COL11A2: variants seen among roughly 807,000 people sequenced by gnomAD.
The protein encoded by COL11A2 is collagen alpha-2(XI) chain.
COL11A2 carries 116 observed loss-of-function variants against 273.4 expected under a neutral mutation model. The ratio of observed to expected loss-of-function variants is 0.42; its 90% confidence interval spans 0.36 to 0.49. The LOEUF is 0.49. Among genes scored for constraint, COL11A2 ranks in the 20% least tolerant of loss-of-function variants. COL11A2 has a pLI of 0.00. For synonymous variants in COL11A2, 782 were observed against 864.2 expected (o/e 0.90, Z 1.67); for missense variants, 1,866 against 2,309.0 (o/e 0.81, Z 3.93).
chr6:33,179,469 G>C lies in COL11A2; in HGVS notation c.1465C>G (p.Pro489Ala). 6.4e-7 allele frequency: 1 copy of C among 1,566,230 alleles called. No homozygotes were observed. The highest frequency in any genetic ancestry group is 2.4e-5 in the East Asian group (1 of 42,488). ...CGCCCTGTGTATCCCATGGGGCCAG[G>C]GGGTCCACGGAGCGCCAGCTAGGGG... ...QQARLALRGP[P>A]GPMGYTGRPG... The change falls in exon 14 of 66, where the codon CCT becomes GCT. Residue 489 changes from proline (P) to alanine (A), a missense_variant. Transcript: ENST00000341947. This position sits in a 1 kb window ranked among gnomAD's most constrained non-coding sequence, Gnocchi z 6.4.
At position 33,189,284 on chromosome 6, in the gene COL11A2, C is replaced by A. The variant is rs768032104; in HGVS notation, c.232+36G>T. On this transcript the variant is annotated intron_variant, in intron 2 of 65. Transcript: ENST00000341947. This position sits in a 1 kb window ranked among gnomAD's most constrained non-coding sequence, Gnocchi z 5.6. ...TCTGATCCTAGGCCCCATCCCATTA[C>A]CTCCCCCCAGGCCTACCCCACCATG... is the stretch of plus-strand genomic sequence containing the variant. The A allele has an allele frequency of 6.2e-7, 1 of 1,614,054 alleles. No individual in the cohort carries two copies. Among genetic ancestry groups the A allele is most frequent in the Non-Finnish European group, 8.5e-7 (1 of 1,179,998 alleles).
chr6:33,172,046 T>C lies in COL11A2; in HGVS notation c.3042+4A>G, dbSNP rs2150549308. ...TCCTACCACTTCCGGAACCCCAGAC[T>C]CACTGCAGGGCCAGGGGGGCCAGAC... On this transcript the variant is annotated splice_donor_region_variant and intron_variant, in intron 41 of 65. Transcript: ENST00000341947. The C allele has an allele frequency of 1.9e-6, 3 of 1,612,578 alleles. No homozygotes were observed. The highest frequency in any genetic ancestry group is 8.5e-7 in the Non-Finnish European group (1 of 1,179,860).
In COL11A2 at chr6:33,170,692, TC is replaced by T. The variant is rs145273015; in HGVS notation, c.3475-83del. ...TAGGCAGATAGGCCCCACAGTCCCC[TC>T]CCCTCAGACTCCGCAGGCCCTCCAG... On this transcript the variant is annotated intron_variant, in intron 46 of 65. Coordinates refer to ENST00000341947, the MANE Select transcript of COL11A2 (RefSeq NM_080680.3). The surrounding 1 kb of genome is among the most constrained non-coding windows in gnomAD (Gnocchi z 4.3). 0.029 allele frequency: 46,379 copies of T among 1,590,842 alleles called. 901 individuals are homozygous for T. Among genetic ancestry groups the T allele is most frequent in the African/African-American group, 0.072 (5,320 of 74,334 alleles).
chr6:33,181,103 T>A lies in COL11A2; in HGVS notation c.1179+8A>T, dbSNP rs773318336. ...CACTGCCTCAGCCCTGTGACCAGCATAACTTACAGGTTCCAACACTGCAGG... is the reference window on the plus strand; with the variant it reads ...CACTGCCTCAGCCCTGTGACCAGCAAAACTTACAGGTTCCAACACTGCAGG... On this transcript the variant is annotated splice_region_variant and intron_variant, in intron 9 of 65. Coordinates refer to ENST00000341947, the MANE Select transcript of COL11A2 (RefSeq NM_080680.3). 54 of 1,614,086 alleles carry A rather than the reference T, an allele frequency of 3.3e-5. 1 individual carries two copies. The Admixed American group carries it at 3.7e-4, about 11-fold the overall frequency.
Position 33,167,185 on chromosome 6 carries a change from C to T in COL11A2, c.4177-62G>A, listed in dbSNP as rs1769275971. On this transcript the variant is annotated intron_variant, in intron 57 of 65. Transcript: ENST00000341947. This position sits in a 1 kb window ranked among gnomAD's most constrained non-coding sequence, Gnocchi z 6.1. ...GGTGGGACCAAGTTCTCCCCAACAG[C>T]CTCCACTTCCTCCAGGGCTTCAGCT... The T allele has an allele frequency of 1.2e-6, 2 of 1,613,314 alleles. No individual in the cohort carries two copies. Among genetic ancestry groups the T allele is most frequent in the African/African-American group, 1.3e-5 (1 of 74,890 alleles).
In COL11A2 at chr6:33,173,382, C is replaced by G; in HGVS notation, c.2702G>C (p.Gly901Ala). 1 of 1,613,024 alleles carries G rather than the reference C, an allele frequency of 6.2e-7. No homozygotes were observed. Among genetic ancestry groups the G allele is most frequent in the Non-Finnish European group, 8.5e-7 (1 of 1,179,968 alleles). ...KGPPGPPGKDGLPGHPGQRGE... is the reference protein window; with the variant it reads ...KGPPGPPGKDALPGHPGQRGE... ...TCTTTGGCCTGGGTGTCCCGGCAGC[C>G]CATCCTTCCCAGGGGGGCCCTGGAA... The change falls in exon 37 of 66, where the codon GGG (glycine) becomes GCG (alanine). Residue 901 changes from glycine (G) to alanine (A), a missense_variant. Physicochemically the swap from Gly to Ala is moderately conservative, Grantham distance 60. Coordinates refer to ENST00000341947, the MANE Select transcript of COL11A2 (RefSeq NM_080680.3). The surrounding 1 kb of genome is among the most constrained non-coding windows in gnomAD (Gnocchi z 6.3).
At chr6:33,183,363 C>T (rs1407989408) in intron 8 of COL11A2, among the ~76,000 whole-genome samples, 1 of 152,056 alleles carries the variant, frequency 6.6e-6, no homozygotes, top group Non-Finnish European at 1.5e-5. Context: ...GCTACCGTGA[C>T]CCAGAGAGAA....
Position 33,173,087 on chromosome 6 carries a change from A to AG in COL11A2, c.2762dup (p.Gly922TrpfsTer47). 1 of 1,612,614 alleles carries AG rather than the reference A, an allele frequency of 6.2e-7. No homozygotes were observed. Among genetic ancestry groups the AG allele is most frequent in the Non-Finnish European group, 8.5e-7 (1 of 1,179,838 alleles). On this transcript the variant is annotated frameshift_variant, in exon 38 of 66. Transcript: ENST00000341947. LOFTEE classifies it high-confidence loss of function. This position sits in a 1 kb window ranked among gnomAD's most constrained non-coding sequence, Gnocchi z 6.3. ...GAGGTCCCACCACTCCTGGAGGACCAGGGGGGCCGGTCTTCCCTTGGAAAC... is the reference window on the plus strand; with the variant it reads ...GAGGTCCCACCACTCCTGGAGGACCAGGGGGGGCCGGTCTTCCCTTGGAAAC...
Position 33,178,658 on chromosome 6 carries a change from C to T in COL11A2, c.1719+21G>A, listed in dbSNP as rs765483399. ...AGAAGATCTATCCCCAATTACAACA[C>T]ACACCCACTAATGTACTCACCCTAT... On this transcript the variant is annotated intron_variant, in intron 18 of 65. Coordinates refer to ENST00000341947, the MANE Select transcript of COL11A2 (RefSeq NM_080680.3). This position sits in a 1 kb window ranked among gnomAD's most constrained non-coding sequence, Gnocchi z 4.6. 14 of 1,612,696 alleles carry T rather than the reference C, an allele frequency of 8.7e-6. No homozygotes were observed. Among genetic ancestry groups the T allele is most frequent in the Non-Finnish European group, 1.2e-5 (14 of 1,179,848 alleles).
At chr6:33,184,397 G>T in intron 7 of COL11A2, 73 bp from the exon 8 acceptor site, 1 of 1,126,702 alleles carries the variant, frequency 8.9e-7, no homozygotes, top group Non-Finnish European at 1.2e-6. Flanking sequence ...CTGGACCCCA[G>T]GGTGTGACAA....
intron 30 of COL11A2, among the ~76,000 whole-genome samples, chr6:33,174,815 C>T (rs1193445847): frequency 6.6e-6 from 1 of 152,096 alleles, no homozygotes; most frequent in Non-Finnish European, 1.5e-5. Context: ...CCTGCGCCTA[C>T]AGAGGTATCA....
At chr6:33,174,716 C>T (rs1770663167) in intron 30 of COL11A2, 136 bp from the exon 31 acceptor site, 5 of 802,228 alleles carry the variant, frequency 6.2e-6, no homozygotes, top group Non-Finnish European at 1.1e-5. Flanking sequence ...TCTAGCCCCT[C>T]ATTGCTTGCC....
intron 30 of COL11A2, 162 bp downstream of exon 30, chr6:33,175,411 GC>G (rs1384360392): frequency 3.0e-5 from 21 of 710,130 alleles, no homozygotes; most frequent in Non-Finnish European, 4.9e-5. Flanking sequence ...TATCCCCTCT[GC>G]CCATCAGCAG....
chr6:33,177,839 C>T lies in COL11A2; in HGVS notation c.1873-133G>A, dbSNP rs754683884. 30 of 1,005,224 alleles carry T rather than the reference C, an allele frequency of 3.0e-5. No individual in the cohort carries two copies. Among genetic ancestry groups the T allele is most frequent in the Non-Finnish European group, 4.2e-5 (27 of 647,468 alleles). 62.3% of individuals were successfully genotyped at this position (1,005,224 alleles called of 1,614,324 possible). A position where few individuals can be genotyped will look rare whatever the true frequency, so the allele number is the denominator to read the frequency against. On this transcript the variant is annotated intron_variant, in intron 21 of 65. Transcript: ENST00000341947. This position sits in a 1 kb window ranked among gnomAD's most constrained non-coding sequence, Gnocchi z 5.9. The stretch of plus-strand genomic sequence containing the variant: ...CCCAAACCCAAGCAAACACAGCTGG[C>T]CCAGGCCTGCAGTGTGTGGGACTGT...
Position 33,166,673 on chromosome 6 carries a change from C to T in COL11A2, c.4338+47G>A. On this transcript the variant is annotated intron_variant, in intron 59 of 65. Transcript: ENST00000341947. This position sits in a 1 kb window ranked among gnomAD's most constrained non-coding sequence, Gnocchi z 4.8. Reference sequence around the variant, plus strand: ...CCAACTCCAACTCCACCCCTCTCCACCCCACTCTCAACCCCCACAACTTCC... The same window carrying T: ...CCAACTCCAACTCCACCCCTCTCCATCCCACTCTCAACCCCCACAACTTCC... 6.2e-7 allele frequency: 1 copy of T among 1,611,954 alleles called. No homozygotes were observed. The highest frequency in any genetic ancestry group is 8.5e-7 in the Non-Finnish European group (1 of 1,178,202).
chr6:33,178,730 A>G lies in COL11A2; in HGVS notation c.1668T>C (p.Gly556=). 6.2e-7 allele frequency: 1 copy of G among 1,612,416 alleles called. No individual in the cohort carries two copies. Among genetic ancestry groups the G allele is most frequent in the Non-Finnish European group, 8.5e-7 (1 of 1,179,778 alleles). Residue 556 remains glycine, a splice_region_variant and synonymous_variant, in exon 18 of 66, where the codon GGT becomes GGC. Transcript: ENST00000341947. This position sits in a 1 kb window ranked among gnomAD's most constrained non-coding sequence, Gnocchi z 4.6. ...CTGGGAGTCCATCAAAACCTCGGTCACCCTAGGAGGAGGAAGGATAGCCAG... is the reference window on the plus strand; with the variant it reads ...CTGGGAGTCCATCAAAACCTCGGTCGCCCTAGGAGGAGGAAGGATAGCCAG... The part of the protein sequence containing the change: ...RGMPGDPGVK[G]DRGFDGLPGL...
chr6:33,164,186 C>T lies in COL11A2; in HGVS notation c.5070+81G>A, dbSNP rs954667994. Reference sequence around the variant, plus strand: ...GACTCCTCCCTGCTCCCCCTGGGTGCCCTGCCCAAGGGGTCTTCCCACCTC... The same window carrying T: ...GACTCCTCCCTGCTCCCCCTGGGTGTCCTGCCCAAGGGGTCTTCCCACCTC... On this transcript the variant is annotated intron_variant, in intron 65 of 65. Coordinates refer to ENST00000341947, the MANE Select transcript of COL11A2 (RefSeq NM_080680.3). This position sits in a 1 kb window ranked among gnomAD's most constrained non-coding sequence, Gnocchi z 4.7. The T allele has an allele frequency of 2.7e-6, 4 of 1,502,322 alleles. No homozygotes were observed. The highest frequency in any genetic ancestry group is 3.6e-6 in the Non-Finnish European group (4 of 1,099,638). 93.1% of individuals were successfully genotyped at this position (1,502,322 alleles called of 1,614,324 possible).
At chr6:33,175,121 G>A (rs1406864763) in intron 30 of COL11A2, among the ~76,000 whole-genome samples, 1 of 152,196 alleles carries the variant, frequency 6.6e-6, no homozygotes, top group Non-Finnish European at 1.5e-5. Flanking sequence ...TAATCAACAA[G>A]CATCCCTGTG....
At position 33,178,482 on chromosome 6, in the gene COL11A2, T is replaced by A. The variant is rs779116250; in HGVS notation, c.1726A>T (p.Thr576Ser). Residue 576 changes from threonine (T) to serine (S), a missense_variant, in exon 19 of 66, where the codon ACT (threonine) becomes TCT (serine). Physicochemically the swap from Thr to Ser is moderately conservative, Grantham distance 58 (BLOSUM62 1). Coordinates refer to ENST00000341947, the MANE Select transcript of COL11A2 (RefSeq NM_080680.3). This position sits in a 1 kb window ranked among gnomAD's most constrained non-coding sequence, Gnocchi z 4.6. ...GGACCAGGAAGGCCCTGGGCACCAG[T>A]ATCACCCTGCAAAATGGGGGAACTC... ...LPGEKGHRGDTGAQGLPGPPG... is the reference protein window; with the variant it reads ...LPGEKGHRGDSGAQGLPGPPG... 2 of 1,612,658 alleles carry A rather than the reference T, an allele frequency of 1.2e-6. No homozygotes were observed. Among genetic ancestry groups the A allele is most frequent in the Non-Finnish European group, 1.7e-6 (2 of 1,179,934 alleles).
Sources: allele counts gnomAD v4.1 joint callset (sites outside exome capture counted in the v4.1 genomes callset), GRCh38; gene constraint gnomAD v4.1.1; non-coding constraint Gnocchi (gnomAD v3.1); transcripts MANE v1.5; gene names NCBI Gene and HGNC (gene_info 2026-07-23, HGNC 2026-07-21).